CNTN3: variants seen among roughly 807,000 people sequenced by gnomAD.
CNTN3 encodes contactin-3.
In CNTN3, 60 loss-of-function variants were observed where a neutral mutation model predicts 119.1. The observed-to-expected ratio is 0.50, with a 90% CI of 0.41 to 0.62. The LOEUF is 0.62. Among genes scored for constraint, CNTN3 ranks in the 20% least tolerant of loss-of-function variants. The pLI is 0.00. For synonymous variants in CNTN3, 450 were observed against 438.7 expected, an observed-to-expected ratio of 1.03 and a Z score of -0.32; for missense variants, 1,101 against 1,242.4, an observed-to-expected ratio of 0.89 and a Z score of 1.71.
chr3:74,404,116 C>G (rs1043244283), intron 5 of CNTN3, among the ~76,000 whole-genome samples: 1 of 152,010 alleles, frequency 6.6e-6, no homozygotes, highest in African/African-American at 2.4e-5. Flanking sequence ...CACCCTCTCC[C>G]CCAATACAAT....
intron 20 of CNTN3, among the ~76,000 whole-genome samples, chr3:74,268,432 A>G (rs534896822): frequency 2.0e-5 from 3 of 152,312 alleles, no homozygotes; most frequent in African/African-American, 7.2e-5. Flanking sequence ...CTATCCAGAG[A>G]AATTTCTAAA....
At chr3:74,398,451 T>A (rs1705110696) in intron 5 of CNTN3, among the ~76,000 whole-genome samples, 1 of 152,236 alleles carries the variant, frequency 6.6e-6, no homozygotes, top group South Asian at 2.1e-4. Context: ...ACATTGTTTT[T>A]TAGTCATAAT....
Position 74,297,206 on chromosome 3 carries a change from G to A in CNTN3, c.2401+751C>T, listed in dbSNP as rs185564310. 1.9e-3 allele frequency among the ~76,000 whole-genome samples: 291 copies of A among 152,238 alleles called. 1 individual carries two copies. Among genetic ancestry groups the A allele is most frequent in the Non-Finnish European group, 3.5e-3 (236 of 68,022 alleles). On this transcript the variant is annotated intron_variant, in intron 18 of 22. Transcript: ENST00000263665. ...CACTATACAACTTAGGACTAGGGTA[G>A]CTCCAAGGGGTATATTTTTATTACC...
chr3:74,285,667 G>C (rs1446514723), intron 19 of CNTN3, among the ~76,000 whole-genome samples, 176 bp from the exon 20 acceptor site: 6 of 151,188 alleles, frequency 4.0e-5, no homozygotes, highest in Non-Finnish European at 7.4e-5. Flanking sequence ...AGTGAAGATA[G>C]AGAAAAGGGA....
chr3:74,353,711 G>C (rs1055989770), intron 11 of CNTN3, among the ~76,000 whole-genome samples: 3 of 152,114 alleles, frequency 2.0e-5, no homozygotes, highest in East Asian at 3.9e-4. Flanking sequence ...AGCCGAGATT[G>C]CGCCACTGCA....
chr3:74,366,207 T>A (rs1050707194), intron 8 of CNTN3, among the ~76,000 whole-genome samples: 1 of 152,062 alleles, frequency 6.6e-6, no homozygotes, highest in Admixed American at 6.6e-5. Flanking sequence ...CTTAATTAAA[T>A]ACAAACCAGT....
chr3:74,579,357 C>G (rs562495633), intron 1 of CNTN3, among the ~76,000 whole-genome samples: 1 of 151,138 alleles, frequency 6.6e-6, no homozygotes, highest in African/African-American at 2.4e-5. Context: ...GCAGATCCCA[C>G]CCCCCTCAAA....
chr3:74,426,858 C>T (rs1033026974), intron 4 of CNTN3, among the ~76,000 whole-genome samples: 2 of 152,194 alleles, frequency 1.3e-5, no homozygotes, highest in African/African-American at 2.4e-5. Flanking sequence ...GTAGCTTATA[C>T]ATGGAATTTC....
chr3:74,533,333 T>C (rs1268527057), intron 1 of CNTN3, among the ~76,000 whole-genome samples: 2 of 151,934 alleles, frequency 1.3e-5, no homozygotes, highest in African/African-American at 4.8e-5. Context: ...GCAAACATGC[T>C]CAAAGCACTC....
At chr3:74,490,148 T>C (rs1212580330) in intron 3 of CNTN3, among the ~76,000 whole-genome samples, 5 of 152,184 alleles carry the variant, frequency 3.3e-5, no homozygotes, top group African/African-American at 7.2e-5. Flanking sequence ...CATACTGACA[T>C]TGACTTTTAA....
intron 1 of CNTN3, among the ~76,000 whole-genome samples, chr3:74,585,142 C>T (rs1477291968): frequency 6.6e-6 from 1 of 152,044 alleles, no homozygotes; most frequent in Non-Finnish European, 1.5e-5. Flanking sequence ...TAATAAAATA[C>T]TGTAGCTGAC....
intron 11 of CNTN3, among the ~76,000 whole-genome samples, chr3:74,349,592 T>C (rs1313619002): frequency 6.6e-6 from 1 of 152,248 alleles, no homozygotes; most frequent in Non-Finnish European, 1.5e-5. Flanking sequence ...CAACTTGATT[T>C]TGTTAAAACA....
intron 10 of CNTN3, among the ~76,000 whole-genome samples, chr3:74,363,711 A>T (rs1269238156): frequency 6.6e-6 from 1 of 152,134 alleles, no homozygotes; most frequent in Non-Finnish European, 1.5e-5. Flanking sequence ...GTTGGGAAAC[A>T]TCATATAGAA....
intron 13 of CNTN3, among the ~76,000 whole-genome samples, chr3:74,306,382 T>C (rs1373105306): frequency 6.6e-6 from 1 of 152,144 alleles, no homozygotes; most frequent in Admixed American, 6.6e-5. Context: ...AACACAACAC[T>C]AACCATCTTT....
rs574669479 is a variant in CNTN3 at position 74,493,210 on chromosome 3, C to T, written c.182+6449G>A. Among the ~76,000 whole-genome samples the T allele has an allele frequency of 1.3e-3, 195 of 152,200 alleles. 1 individual carries two copies. The highest frequency in any genetic ancestry group is 4.3e-3 in the African/African-American group (180 of 41,546). On this transcript the variant is annotated intron_variant, in intron 3 of 22. Transcript: ENST00000263665. ...AACAATAATGAATATAAACACAGATCTATGTTGTCATTGCTATAATTTAAA... is the reference window on the plus strand; with the variant it reads ...AACAATAATGAATATAAACACAGATTTATGTTGTCATTGCTATAATTTAAA...
Position 74,401,510 on chromosome 3 carries a change from G to A in CNTN3, c.454+23335C>T, listed in dbSNP as rs570109245. Among the ~76,000 whole-genome samples the A allele has an allele frequency of 3.4e-4, 51 of 150,024 alleles. 1 individual carries two copies. Among genetic ancestry groups the A allele is most frequent in the African/African-American group, 1.1e-3 (43 of 39,832 alleles). On this transcript the variant is annotated intron_variant, in intron 5 of 22. Transcript: ENST00000263665. ...TCTCTAGTGCACACACCACACACGC[G>A]CGCACGCACACACACACACACAGAG...
intron 1 of CNTN3, among the ~76,000 whole-genome samples, chr3:74,586,072 C>G (rs1312836416): frequency 1.4e-4 from 22 of 152,098 alleles, no homozygotes; most frequent in Admixed American, 1.4e-3. Flanking sequence ...GAAGTTGTGA[C>G]AAGCTGCTAG....
chr3:74,335,819 G>A (rs771856828), intron 12 of CNTN3, among the ~76,000 whole-genome samples: 1 of 152,080 alleles, frequency 6.6e-6, no homozygotes, highest in Non-Finnish European at 1.5e-5. Flanking sequence ...TAAGAAATCT[G>A]TTAACTGACA....
intron 13 of CNTN3, among the ~76,000 whole-genome samples, chr3:74,314,815 T>C (rs978702179): frequency 4.6e-5 from 7 of 152,204 alleles, no homozygotes; most frequent in African/African-American, 9.7e-5. Flanking sequence ...TGGACATCTA[T>C]AGACTACTTT....
Sources: allele counts gnomAD v4.1 joint callset (sites outside exome capture counted in the v4.1 genomes callset), GRCh38; gene constraint gnomAD v4.1.1; transcripts MANE v1.5; gene names NCBI Gene and HGNC (gene_info 2026-07-23, HGNC 2026-07-21).